DOK6: variants seen among roughly 807,000 people sequenced by gnomAD.
The protein encoded by DOK6 is docking protein 6.
In DOK6, 22 loss-of-function variants were observed where a neutral mutation model predicts 44.0. The observed-to-expected ratio is 0.50, with a 90% CI of 0.36 to 0.71. DOK6 has a LOEUF of 0.71. Among genes scored for constraint, DOK6 ranks in the 30% least tolerant of loss-of-function variants. DOK6 has a pLI of 0.00. For synonymous variants in DOK6, 166 were observed against 145.5 expected (o/e 1.14, Z -1.01); for missense variants, 340 against 416.4 (o/e 0.82, Z 1.60).
chr18:69,612,082 A>G (rs907302381), intron 3 of DOK6, among the ~76,000 whole-genome samples: 1 of 152,154 alleles, frequency 6.6e-6, no homozygotes, highest in Non-Finnish European at 1.5e-5. Flanking sequence ...GAAACTGGAC[A>G]AAATGTACAC....
intron 5 of DOK6, among the ~76,000 whole-genome samples, chr18:69,703,307 G>A (rs1461026606): frequency 6.6e-6 from 1 of 152,062 alleles, no homozygotes; most frequent in Non-Finnish European, 1.5e-5. Flanking sequence ...TCTTTTTGTG[G>A]CACCAGAAAC....
chr18:69,681,226 T>C (rs1219807045), intron 4 of DOK6, among the ~76,000 whole-genome samples: 1 of 152,058 alleles, frequency 6.6e-6, no homozygotes, highest in Non-Finnish European at 1.5e-5. Flanking sequence ...TGGTTTGTGG[T>C]GATCTTGTAG....
intron 4 of DOK6, among the ~76,000 whole-genome samples, chr18:69,694,024 A>G (rs1169897957): frequency 7.8e-6 from 1 of 128,738 alleles, no homozygotes; most frequent in Admixed American, 9.6e-5. Flanking sequence ...CCGCCACCGC[A>G]CTCCAGCCTG....
intron 3 of DOK6, among the ~76,000 whole-genome samples, chr18:69,630,571 C>A (rs953282215): frequency 6.6e-6 from 1 of 152,178 alleles, no homozygotes; most frequent in African/African-American, 2.4e-5. Flanking sequence ...AAGAAGGTTG[C>A]TGTTACCATA....
intron 1 of DOK6, among the ~76,000 whole-genome samples, chr18:69,444,281 A>C (rs1979217740): frequency 1.3e-5 from 2 of 152,174 alleles, no homozygotes; most frequent in Admixed American, 6.5e-5. Context: ...AATGTAGCTA[A>C]AGAAACTATT....
At chr18:69,615,332 A>T (rs1422416688) in intron 3 of DOK6, among the ~76,000 whole-genome samples, 1 of 152,152 alleles carries the variant, frequency 6.6e-6, no homozygotes, top group African/African-American at 2.4e-5. Flanking sequence ...TGAACATTCC[A>T]TTACTTTGGG....
At chr18:69,534,716 C>T (rs549126162) in intron 1 of DOK6, among the ~76,000 whole-genome samples, 3 of 152,022 alleles carry the variant, frequency 2.0e-5, no homozygotes, top group East Asian at 3.9e-4. Context: ...AGTTTCCACT[C>T]GTTCCTTTAT....
At chr18:69,755,895 AAG>A (rs576109570) in intron 6 of DOK6, among the ~76,000 whole-genome samples, 276 of 152,328 alleles carry the variant, frequency 1.8e-3, no homozygotes, top group Non-Finnish European at 3.5e-3. Flanking sequence ...GCTCTCAGCA[AAG>A]AGAGGGGTCC....
At chr18:69,664,127 T>C (rs571335755) in intron 3 of DOK6, among the ~76,000 whole-genome samples, 3 of 152,350 alleles carry the variant, frequency 2.0e-5, no homozygotes, top group African/African-American at 7.2e-5. Flanking sequence ...TTTGTGTTAA[T>C]TAATTTCAGA....
intron 7 of DOK6, among the ~76,000 whole-genome samples, chr18:69,795,981 C>T (rs1248116616): frequency 6.6e-6 from 1 of 152,166 alleles, no homozygotes. Flanking sequence ...GGGCCTGAGG[C>T]ACTTTCTAGA....
chr18:69,632,906 G>A (rs959804506), intron 3 of DOK6, among the ~76,000 whole-genome samples: 3 of 152,132 alleles, frequency 2.0e-5, no homozygotes, highest in Non-Finnish European at 4.4e-5. Context: ...TAAGACACAA[G>A]TACTCATAGA....
At chr18:69,817,814 G>A (rs1461361877) in intron 7 of DOK6, among the ~76,000 whole-genome samples, 3 of 152,126 alleles carry the variant, frequency 2.0e-5, no homozygotes, top group South Asian at 4.1e-4. Context: ...GTAGTCACAC[G>A]CTAGATGCAA....
chr18:69,737,227 C>T (rs905775862), intron 5 of DOK6, among the ~76,000 whole-genome samples: 1 of 152,176 alleles, frequency 6.6e-6, no homozygotes, highest in East Asian at 1.9e-4. Flanking sequence ...GTTTAATTGA[C>T]TTAGTTGCAC....
At chr18:69,663,332 A>G (rs2144673852) in intron 3 of DOK6, 1 of 152,292 alleles carries the variant, frequency 6.6e-6, no homozygotes, top group South Asian at 2.1e-4. Context: ...TACTAGGCTT[A>G]ATAGCTGGAT....
At chr18:69,648,044 T>A (rs994542477) in intron 3 of DOK6, among the ~76,000 whole-genome samples, 31 of 152,320 alleles carry the variant, frequency 2.0e-4, no homozygotes, top group African/African-American at 7.2e-4. Flanking sequence ...TGTTTAGCTA[T>A]CATATAATCA....
chr18:69,748,930 A>G (rs532059800), intron 6 of DOK6, among the ~76,000 whole-genome samples: 1 of 152,342 alleles, frequency 6.6e-6, no homozygotes, highest in South Asian at 2.1e-4. Flanking sequence ...GATAGACTGG[A>G]TAAGGAAAAT....
chr18:69,432,323 A>C (rs1162518777), intron 1 of DOK6, among the ~76,000 whole-genome samples: 1 of 152,176 alleles, frequency 6.6e-6, no homozygotes, highest in Non-Finnish European at 1.5e-5. Context: ...ATACATCTGT[A>C]GTCCCAGCTA....
chr18:69,449,171 C>A (rs368326857), intron 1 of DOK6, among the ~76,000 whole-genome samples: 3 of 152,136 alleles, frequency 2.0e-5, no homozygotes, highest in East Asian at 1.9e-4. Context: ...TATATTTATG[C>A]AAAGAGTTTA....
chr18:69,631,644 G>C (rs1364438349), intron 3 of DOK6, among the ~76,000 whole-genome samples: 1 of 152,164 alleles, frequency 6.6e-6, no homozygotes, highest in Non-Finnish European at 1.5e-5. Flanking sequence ...CGTTACTGTA[G>C]CTAGAACATG....
Sources: gnomAD v4.1 joint callset for allele counts (sites outside exome capture counted in the v4.1 genomes callset) on GRCh38, gnomAD v4.1.1 for gene constraint, MANE v1.5 for transcripts, NCBI Gene and HGNC (gene_info 2026-07-23, HGNC 2026-07-21) for gene names.